Variants in DMXL1 observed in about 807,000 individuals in gnomAD.
DMXL1 encodes the protein dmX-like protein 1.
Under a neutral mutation model 319.2 loss-of-function variants are expected in DMXL1, and 99 were observed. The observed-to-expected ratio is 0.31, with a 90% CI of 0.26 to 0.37. The LOEUF is 0.37. Ranked by LOEUF, DMXL1 falls within the 10% of genes least tolerant of loss-of-function variation. The probability of loss-of-function intolerance (pLI) is 1.00; values close to 1 mark genes in which losing one functional copy is unlikely to be tolerated. For missense variants in DMXL1, 3,745 were observed against 3,595.6 expected (o/e 1.04, Z -1.06); for synonymous variants, 1,385 against 1,235.2 (o/e 1.12, Z -2.54).
chr5:119,081,771 C>G, intron 1 of DMXL1: 1 of 964,370 alleles, frequency 1.0e-6, no homozygotes, highest in African/African-American at 1.8e-5. Flanking sequence ...TTTGTTCTTA[C>G]GTGTATTTGA....
intron 28 of DMXL1, chr5:119,178,499 C>T (rs769258178): frequency 1.9e-6 from 1 of 540,482 alleles, no homozygotes; most frequent in Admixed American, 6.4e-5. Context: ...CTGAAACTTT[C>T]ATTTGTTTTG....
At chr5:119,196,515 GTT>G (rs537016412) in intron 31 of DMXL1, 59 bp downstream of exon 31, 21,118 of 544,578 alleles carry the variant, frequency 0.039, no homozygotes, top group Middle Eastern at 0.057. Context: ...CTACTCTGTT[GTT>G]TTTTTTTTTT....
chr5:119,076,282 G>A (rs1040940867), intron 1 of DMXL1, among the ~76,000 whole-genome samples: 1 of 152,188 alleles, frequency 6.6e-6, no homozygotes, highest in Non-Finnish European at 1.5e-5. Context: ...GGCTGAATAA[G>A]TAGTCGTCTT....
At chr5:119,100,810 C>T (rs1757098499) in intron 2 of DMXL1, 1 of 109,960 alleles carries the variant, frequency 9.1e-6, no homozygotes, top group African/African-American at 3.4e-5. Context: ...GACGGAGTCT[C>T]ACTTTGTCGC....
intron 28 of DMXL1, among the ~76,000 whole-genome samples, chr5:119,186,568 AAAGT>A (rs1192531580): frequency 6.6e-6 from 1 of 152,240 alleles, no homozygotes; most frequent in African/African-American, 2.4e-5. Flanking sequence ...GATAAACTGA[AAAGT>A]AAATATTAAC....
Position 119,116,355 on chromosome 5 carries a change from T to C in DMXL1, c.743+19T>C, listed in dbSNP as rs200364484. 2,296 of 1,606,830 alleles carry C rather than the reference T, an allele frequency of 1.4e-3. 3 individuals carry two copies. Among genetic ancestry groups the C allele is most frequent in the Non-Finnish European group, 1.8e-3 (2,169 of 1,175,796 alleles). ...TGCCTAGGTCAGTGGATTGGTCATT[T>C]CCCTCCACATATTAAGGGAGCATCA... On this transcript the variant is annotated intron_variant, in intron 7 of 43. Transcript: ENST00000539542.
Position 119,133,775 on chromosome 5 carries a change from G to C in DMXL1, c.1851G>C (p.Glu617Asp), listed in dbSNP as rs1464370281. The C allele has an allele frequency of 6.2e-7, 1 of 1,614,150 alleles. No individual in the cohort carries two copies. Among genetic ancestry groups the C allele is most frequent in the East Asian group, 2.2e-5 (1 of 44,882 alleles). Residue 617 changes from glutamate to aspartate, a missense_variant, in exon 12 of 44, where the codon GAG becomes GAC. Coordinates refer to ENST00000539542, the MANE Select transcript of DMXL1 (RefSeq NM_001290321.3). Reference sequence around the variant, plus strand: ...ATCAGTGGCTGGTCAGTTTTGCCGAGGAATCTGCTTTTTCTACTGTTCTCA... The same window carrying C: ...ATCAGTGGCTGGTCAGTTTTGCCGACGAATCTGCTTTTTCTACTGTTCTCA... Reference protein sequence around the residue: ...SLNQWLVSFAEESAFSTVLSI... With the variant: ...SLNQWLVSFADESAFSTVLSI...
intron 13 of DMXL1, among the ~76,000 whole-genome samples, chr5:119,142,816 G>A (rs1258821188): frequency 6.6e-6 from 1 of 152,068 alleles, no homozygotes; most frequent in Non-Finnish European, 1.5e-5. Context: ...ATTGGATTAA[G>A]AAAATGTGGT....
At chr5:119,192,591 C>G (rs1235703320) in intron 29 of DMXL1, among the ~76,000 whole-genome samples, 2 of 152,182 alleles carry the variant, frequency 1.3e-5, no homozygotes, top group Non-Finnish European at 2.9e-5. Context: ...CACGTGATAT[C>G]CATGTCAAAT....
chr5:119,175,242 T>G lies in DMXL1; in HGVS notation c.6682-19T>G. The G allele has an allele frequency of 6.3e-7, 1 of 1,592,044 alleles. No homozygotes were observed. The highest frequency in any genetic ancestry group is 8.6e-7 in the Non-Finnish European group (1 of 1,167,666). On this transcript the variant is annotated intron_variant, in intron 25 of 43. Coordinates refer to ENST00000539542, the MANE Select transcript of DMXL1 (RefSeq NM_001290321.3). ...TTTAAAAAGGTTATACTTAAAGTAA[T>G]TTTGTTTTTGTTTTCCAGGTGTATG...
At chr5:119,194,103 A>G (rs998084009) in intron 30 of DMXL1, 133 bp downstream of exon 30, 1 of 568,738 alleles carries the variant, frequency 1.8e-6, no homozygotes, top group East Asian at 3.3e-5. Context: ...TCTTTAGTTG[A>G]AATTGTTAAA....
chr5:119,074,687 T>C (rs1204467429), intron 1 of DMXL1, among the ~76,000 whole-genome samples: 1 of 152,236 alleles, frequency 6.6e-6, no homozygotes, highest in Non-Finnish European at 1.5e-5. Context: ...GAAAACCTCT[T>C]GTGGGCAATG....
intron 6 of DMXL1, among the ~76,000 whole-genome samples, chr5:119,115,772 G>T (rs2149888293): frequency 6.6e-6 from 1 of 152,170 alleles, no homozygotes; most frequent in East Asian, 1.9e-4. Context: ...TTCATGAAAA[G>T]TATCTCTTTT....
chr5:119,147,291 C>G lies in DMXL1; in HGVS notation c.2732C>G (p.Pro911Arg). The change falls in exon 17 of 44, where the codon CCA (proline) becomes CGA (arginine). Residue 911 changes from proline to arginine, a missense_variant. Transcript: ENST00000539542. ...AAATTATCCGAAGCGGTTTGGCAGC[C>G]AGAAGAACATTATTCTTCTTCTCCA... ...DTKLSEAVWQ[P>R]EEHYSSSPEK... is the part of the protein sequence containing the mutation. 1 of 1,613,372 alleles carries G rather than the reference C, an allele frequency of 6.2e-7. No homozygotes were observed. Among genetic ancestry groups the G allele is most frequent in the Non-Finnish European group, 8.5e-7 (1 of 1,179,642 alleles).
At chr5:119,219,208 T>C (rs960273153) in intron 35 of DMXL1, among the ~76,000 whole-genome samples, 18 of 152,170 alleles carry the variant, frequency 1.2e-4, no homozygotes, top group Non-Finnish European at 2.5e-4. Context: ...CATAGTAGGT[T>C]ATATTACAGG....
chr5:119,176,019 C>T (rs1430735024), intron 26 of DMXL1, among the ~76,000 whole-genome samples: 1 of 151,916 alleles, frequency 6.6e-6, no homozygotes, highest in Non-Finnish European at 1.5e-5. Flanking sequence ...TTAACTTTCC[C>T]CTCCTATATT....
chr5:119,100,081 A>T (rs1318943247), intron 2 of DMXL1, among the ~76,000 whole-genome samples: 1 of 152,168 alleles, frequency 6.6e-6, no homozygotes, highest in East Asian at 1.9e-4. Context: ...CTTCATTTAC[A>T]GATATCAGTA....
Position 119,171,735 on chromosome 5 carries a change from C to G in DMXL1, c.6490-43C>G, listed in dbSNP as rs938771075. 2.0e-6 allele frequency: 3 copies of G among 1,496,234 alleles called. No individual in the cohort carries two copies. The African/African-American group carries it at 4.2e-5, about 21-fold the overall frequency. 92.7% of individuals were successfully genotyped at this position (1,496,234 alleles called of 1,614,324 possible). On this transcript the variant is annotated intron_variant, in intron 24 of 43. Transcript: ENST00000539542. ...GATTTACTGAAGTAATGGTTTGTAA[C>G]TGTAAATAGTTGGTTAACCTTTTAT...
intron 33 of DMXL1, 47 bp from the exon 34 acceptor site, chr5:119,206,787 C>T (rs1267252669): frequency 3.4e-6 from 4 of 1,171,450 alleles, no homozygotes; most frequent in Admixed American, 4.9e-5. Context: ...TTGCATGTTA[C>T]ATCTCATCTT....
Sources: gnomAD v4.1 joint callset for allele counts (sites outside exome capture counted in the v4.1 genomes callset) on GRCh38, gnomAD v4.1.1 for gene constraint, MANE v1.5 for transcripts, NCBI Gene and HGNC (gene_info 2026-07-23, HGNC 2026-07-21) for gene names.